VIT: variants seen among roughly 807,000 people sequenced by gnomAD.
The protein encoded by VIT is vitrin.
A neutral mutation model predicts 78.0 loss-of-function variants in VIT; 99 were observed. The observed-to-expected ratio is 1.27, with a 90% confidence interval of 1.08 to 1.50. VIT has a LOEUF of 1.50. Among genes scored for constraint, VIT ranks in the 40% most tolerant of loss-of-function variants. The pLI, the probability that VIT is intolerant of heterozygous loss-of-function variation, is 0.00. For synonymous variants in VIT, 374 were observed against 334.3 expected, an observed-to-expected ratio of 1.12 and a Z score of -1.29; for missense variants, 1,126 against 875.3, an observed-to-expected ratio of 1.29 and a Z score of -3.61.
At chr2:36,717,334 ATGTGTGTGTGTGTGTGTGTG>A (rs70946944) in intron 2 of VIT, among the ~76,000 whole-genome samples, 653 of 64,130 alleles carry the variant, frequency 0.01, 13 homozygotes, top group South Asian at 0.058. Context: ...CGCCTGGCTA[ATGTGTGTGTGTGTGTGTGTG>A]TGTGTGTGTG....
chr2:36,808,375 T>G, intron 14 of VIT, 97 bp from the exon 15 acceptor site: 3 of 1,451,868 alleles, frequency 2.1e-6, no homozygotes, highest in Non-Finnish European at 2.7e-6. Flanking sequence ...AACAAGGGCC[T>G]GCTTGCTTCT....
intron 1 of VIT, among the ~76,000 whole-genome samples, chr2:36,707,858 A>AG (rs1354674027): frequency 1.5e-5 from 1 of 67,302 alleles, no homozygotes; most frequent in African/African-American, 4.4e-5. Flanking sequence ...GAATTTCTTT[A>AG]GGAAAAAAAA....
rs74760820 is a variant in VIT at position 36,803,182 on chromosome 2, C to G, written c.1162+1778C>G. 2.1e-3 allele frequency among the ~76,000 whole-genome samples: 325 copies of G among 152,268 alleles called. 3 individuals carry two copies. The highest frequency in any genetic ancestry group is 7.7e-3 in the African/African-American group (318 of 41,558). On this transcript the variant is annotated intron_variant, in intron 13 of 15. Coordinates refer to ENST00000379242, the MANE Select transcript of VIT (RefSeq NM_053276.4). ...CCAAACCACTGCAGCTAGCAACCAA[C>G]CCCAAGCACCTCTGCGGACAGTATC...
chr2:36,746,780 T>A (rs183916086), intron 4 of VIT, among the ~76,000 whole-genome samples: 1 of 152,254 alleles, frequency 6.6e-6, no homozygotes, highest in East Asian at 1.9e-4. Flanking sequence ...TTTATATGGA[T>A]TTTCACAATT....
chr2:36,771,290 G>A (rs760951049), intron 7 of VIT, among the ~76,000 whole-genome samples: 98 of 152,166 alleles, frequency 6.4e-4, no homozygotes, highest in Non-Finnish European at 8.4e-4. Flanking sequence ...AGCACTTTGG[G>A]AGGCCAAGGC....
chr2:36,720,982 C>T (rs1436199505), intron 2 of VIT, among the ~76,000 whole-genome samples: 1 of 151,592 alleles, frequency 6.6e-6, no homozygotes, highest in East Asian at 1.9e-4. Flanking sequence ...TACACTCCAG[C>T]CCGGGCAACA....
intron 14 of VIT, among the ~76,000 whole-genome samples, chr2:36,807,699 G>A (rs957905432): frequency 1.3e-5 from 2 of 152,164 alleles, no homozygotes; most frequent in Non-Finnish European, 1.5e-5. Flanking sequence ...TTCCGGGAGC[G>A]CAACAATCAG....
At chr2:36,805,076 G>A (rs910159140) in intron 13 of VIT, among the ~76,000 whole-genome samples, 11 of 152,114 alleles carry the variant, frequency 7.2e-5, no homozygotes, top group African/African-American at 2.2e-4. Flanking sequence ...GCTGAGGTGG[G>A]TGGATCACTT....
At chr2:36,738,985 G>C (rs1352222253) in intron 3 of VIT, among the ~76,000 whole-genome samples, 1 of 152,102 alleles carries the variant, frequency 6.6e-6, no homozygotes, top group East Asian at 1.9e-4. Context: ...CTAGATATCA[G>C]GATCAAGGAG....
intron 6 of VIT, among the ~76,000 whole-genome samples, chr2:36,762,237 G>A (rs963597717): frequency 5.3e-5 from 8 of 152,100 alleles, no homozygotes; most frequent in African/African-American, 7.2e-5. Context: ...GGTGCTTTTC[G>A]TGAAATTTAT....
At chr2:36,709,988 A>T (rs1465270481) in intron 1 of VIT, among the ~76,000 whole-genome samples, 5 of 152,170 alleles carry the variant, frequency 3.3e-5, no homozygotes, top group African/African-American at 1.2e-4. Flanking sequence ...AGAAAGAGTG[A>T]CCTGGAGCAA....
chr2:36,780,595 G>A (rs1664680340), intron 9 of VIT, among the ~76,000 whole-genome samples: 1 of 152,176 alleles, frequency 6.6e-6, no homozygotes, highest in Non-Finnish European at 1.5e-5. Context: ...CCTGGTTAAT[G>A]ACCGAACTAG....
intron 15 of VIT, 97 bp downstream of exon 15, chr2:36,809,082 T>C: frequency 6.9e-7 from 1 of 1,455,020 alleles, no homozygotes. Context: ...TATGCATTGG[T>C]TTTTTCTGCG....
intron 3 of VIT, among the ~76,000 whole-genome samples, chr2:36,731,034 A>G (rs1667171877): frequency 6.6e-6 from 1 of 152,168 alleles, no homozygotes. Context: ...AAACAGGAAG[A>G]CAGGTTCTCA....
intron 5 of VIT, 23 bp from the exon 6 acceptor site, chr2:36,758,945 GT>G (rs199720074): frequency 3.7e-4 from 516 of 1,392,684 alleles, no homozygotes; most frequent in Middle Eastern, 9.2e-4. Flanking sequence ...AATAAATCTC[GT>G]TTTTTTTTTC....
At chr2:36,746,431 C>T (rs1668139732) in intron 4 of VIT, among the ~76,000 whole-genome samples, 1 of 151,918 alleles carries the variant, frequency 6.6e-6, no homozygotes, top group Admixed American at 6.6e-5. Flanking sequence ...TCTATCTGGT[C>T]CAGGGCTTTT....
chr2:36,713,479 G>A (rs1665932155), intron 1 of VIT, among the ~76,000 whole-genome samples: 1 of 152,206 alleles, frequency 6.6e-6, no homozygotes, highest in Admixed American at 6.5e-5. Context: ...GAGTAAGACG[G>A]GGAGCCACTG....
At chr2:36,699,652 A>AGATAGATG (rs1306573725) in intron 1 of VIT, among the ~76,000 whole-genome samples, 1 of 151,698 alleles carries the variant, frequency 6.6e-6, no homozygotes. Context: ...ATAGATAGAT[A>AGATAGATG]GATAGATAGA....
At chr2:36,801,978 A>C (rs1374058298) in intron 13 of VIT, among the ~76,000 whole-genome samples, 2 of 152,116 alleles carry the variant, frequency 1.3e-5, no homozygotes, top group African/African-American at 4.8e-5. Flanking sequence ...ACAAGTCATC[A>C]CTTGTTTCAT....
Sources: allele counts gnomAD v4.1 joint callset (sites outside exome capture counted in the v4.1 genomes callset), GRCh38; gene constraint gnomAD v4.1.1; transcripts MANE v1.5; gene names NCBI Gene and HGNC (gene_info 2026-07-23, HGNC 2026-07-21).